Variants in RASA2 observed in about 807,000 individuals in gnomAD.
The protein encoded by RASA2 is RAS p21 protein activator 2, also known as ras GTPase-activating protein 2.
In RASA2, 155 loss-of-function variants were observed where a neutral mutation model predicts 118.2. The observed-to-expected ratio is 1.31, with a 90% CI of 1.15 to 1.50. The LOEUF (loss-of-function observed/expected upper bound fraction) is 1.50. Among genes scored for constraint, RASA2 ranks in the 40% most tolerant of loss-of-function variants. The pLI, the probability that RASA2 is intolerant of heterozygous loss-of-function variation, is 0.00. For missense variants in RASA2, 1,016 were observed against 1,009.6 expected (o/e 1.01, Z -0.09); for synonymous variants, 353 against 349.1 (o/e 1.01, Z -0.12).
Position 141,580,555 on chromosome 3 carries a change from TAC to T in RASA2, c.1674+126_1674+127del, listed in dbSNP as rs10663136. 20,841 of 551,828 alleles carry T rather than the reference TAC, an allele frequency of 0.038. 36 individuals carry two copies. Among genetic ancestry groups the T allele is most frequent in the East Asian group, 0.075 (2,143 of 28,416 alleles). The allele number at this position is 551,828 out of a possible 1,614,324, so 34.2% of individuals were successfully genotyped here. On this transcript the variant is annotated intron_variant, in intron 16 of 23. Transcript: ENST00000286364. ...CTTCTTCCAAATTAAAAACAAAACA[TAC>T]ACACACACACACACACACACAGACA...
chr3:141,607,790 T>C, intron 20 of RASA2, 30 bp downstream of exon 20: 3 of 1,547,960 alleles, frequency 1.9e-6, no homozygotes, highest in Non-Finnish European at 2.6e-6. Flanking sequence ...ATTTAAAGCT[T>C]TCTGAACTGC....
rs113612173 is a variant in RASA2 at position 141,490,425 on chromosome 3, T to C, written c.133+3209T>C. Among the ~76,000 whole-genome samples, 689 of 152,190 alleles carry C rather than the reference T, an allele frequency of 4.5e-3. 7 individuals carry two copies. The highest frequency in any genetic ancestry group is 0.016 in the African/African-American group (668 of 41,502). On this transcript the variant is annotated intron_variant, in intron 1 of 23. Coordinates refer to ENST00000286364, the MANE Select transcript of RASA2 (RefSeq NM_006506.5). ...TGTATCTTCAGGCTTCATGCTGTTA[T>C]TTGGTGACCTCCTTTTTGATTAGCA...
At chr3:141,539,842 C>T (rs1014139594) in intron 4 of RASA2, among the ~76,000 whole-genome samples, 19 of 152,100 alleles carry the variant, frequency 1.2e-4, no homozygotes, top group South Asian at 4.1e-4. Flanking sequence ...TTTAAAAATT[C>T]GTCTATTAAT....
At chr3:141,603,192 C>T (rs942566798) in intron 19 of RASA2, among the ~76,000 whole-genome samples, 1 of 152,138 alleles carries the variant, frequency 6.6e-6, no homozygotes, top group African/African-American at 2.4e-5. Context: ...ATCAAAAATA[C>T]AGTCATGGTA....
chr3:141,495,850 G>C lies in RASA2; in HGVS notation c.133+8634G>C, dbSNP rs566499538. ...GAAAATGGATAATATGTTCATACAC[G>C]TATTCTATAGCAACTAAAAAGAATG... is the stretch of plus-strand genomic sequence containing the variant. On this transcript the variant is annotated intron_variant, in intron 1 of 23. Transcript: ENST00000286364. Among the ~76,000 whole-genome samples the C allele has an allele frequency of 3.9e-5, 6 of 152,304 alleles. No homozygotes were observed. In the South Asian group the frequency reaches 1.2e-3, roughly 32 times the overall value.
chr3:141,508,428 C>A (rs1227718244), intron 1 of RASA2, among the ~76,000 whole-genome samples: 1 of 151,736 alleles, frequency 6.6e-6, no homozygotes, highest in Non-Finnish European at 1.5e-5. Context: ...TCTTTTGTCC[C>A]AGGCTGGAGT....
chr3:141,585,758 C>T (rs891679586), intron 17 of RASA2, among the ~76,000 whole-genome samples: 21 of 152,192 alleles, frequency 1.4e-4, no homozygotes, highest in African/African-American at 5.1e-4. Context: ...TGAGATTGCA[C>T]CACTGCACTC....
intron 2 of RASA2, among the ~76,000 whole-genome samples, chr3:141,513,783 G>A (rs2081986038): frequency 6.6e-6 from 1 of 152,106 alleles, no homozygotes; most frequent in Non-Finnish European, 1.5e-5. Flanking sequence ...TTATATTTCA[G>A]CTTCTCATTT....
At position 141,558,885 on chromosome 3, in the gene RASA2, G is replaced by GGT; in HGVS notation, c.685_686dup (p.Thr230Ter). The GGT allele has an allele frequency of 6.3e-7, 1 of 1,591,998 alleles. No homozygotes were observed. Among genetic ancestry groups the GGT allele is most frequent in the Non-Finnish European group, 8.6e-7 (1 of 1,161,846 alleles). On this transcript the variant is annotated frameshift_variant and splice_region_variant. Transcript: ENST00000286364. LOFTEE classifies it high-confidence loss of function. ...TTTTTACTAAAATATTTTGTTTACA[G>GGT]GTAACCAGATCCAGTAGTTACACCA...
At position 141,581,113 on chromosome 3, in the gene RASA2, A is replaced by AGACAT; in HGVS notation, c.1689_1693dup (p.Phe565Ter). 6.5e-7 allele frequency: 1 copy of AGACAT among 1,538,500 alleles called. No homozygotes were observed. The highest frequency in any genetic ancestry group is 8.7e-7 in the Non-Finnish European group (1 of 1,150,546). ...GTTTTTTCTTAGTCAAGTTTCAAAG[A>AGACAT]GACATTCATGTGTGAATTTTTCAAA... On this transcript the variant is annotated frameshift_variant, in exon 17 of 24. Coordinates refer to ENST00000286364, the MANE Select transcript of RASA2 (RefSeq NM_006506.5). LOFTEE classifies it high-confidence loss of function.
intron 3 of RASA2, among the ~76,000 whole-genome samples, chr3:141,521,895 T>G (rs1266317185): frequency 7.8e-6 from 1 of 127,690 alleles, no homozygotes; most frequent in Non-Finnish European, 1.5e-5. Flanking sequence ...AACACACAGG[T>G]TTTTTTTTTT....
intron 19 of RASA2, among the ~76,000 whole-genome samples, chr3:141,595,694 A>G (rs2083355354): frequency 6.6e-6 from 1 of 151,544 alleles, no homozygotes. Flanking sequence ...GAGTGCACAG[A>G]CATAGCTCAC....
intron 3 of RASA2, among the ~76,000 whole-genome samples, chr3:141,524,586 T>C (rs1005292720): frequency 1.3e-5 from 2 of 152,066 alleles, no homozygotes; most frequent in African/African-American, 2.4e-5. Context: ...GTCACTGTTT[T>C]TGTTTGTTTG....
At position 141,609,454 on chromosome 3, in the gene RASA2, G is replaced by T; in HGVS notation, c.2260G>T (p.Glu754Ter). Residue 754 changes from glutamate (E) to a stop codon, truncating the protein, a stop_gained, in exon 22 of 24, where the codon GAA (glutamate) becomes TAA (stop). Coordinates refer to ENST00000286364, the MANE Select transcript of RASA2 (RefSeq NM_006506.5). LOFTEE classifies it high-confidence loss of function. ...VPADIQIDID[E>*]DRETERIYSL... ...TGCAGACATCCAAATAGATATTGAT[G>T]AAGACAGAGAAACAGAAAGAATTTA... The T allele has an allele frequency of 6.2e-7, 1 of 1,603,844 alleles. No individual in the cohort carries two copies. Among genetic ancestry groups the T allele is most frequent in the Non-Finnish European group, 8.5e-7 (1 of 1,172,892 alleles).
intron 19 of RASA2, among the ~76,000 whole-genome samples, chr3:141,587,620 A>G (rs2083225841): frequency 6.6e-6 from 1 of 151,072 alleles, no homozygotes; most frequent in Admixed American, 6.6e-5. Flanking sequence ...AGGCTGAGGC[A>G]GGAGAATCGC....
At chr3:141,575,621 G>A (rs74638552) in intron 14 of RASA2, among the ~76,000 whole-genome samples, 2,062 of 152,236 alleles carry the variant, frequency 0.014, 52 homozygotes, top group African/African-American at 0.044. Context: ...GGTCTGTGGC[G>A]TGGCCAACAG....
At chr3:141,512,082 C>A in intron 1 of RASA2, 81 bp from the exon 2 acceptor site, 5 of 820,710 alleles carry the variant, frequency 6.1e-6, no homozygotes, top group Non-Finnish European at 3.9e-6. Flanking sequence ...TATGTTCTTT[C>A]AGATTGAAGT....
chr3:141,494,882 A>C (rs1360743629), intron 1 of RASA2, among the ~76,000 whole-genome samples: 1 of 152,230 alleles, frequency 6.6e-6, no homozygotes, highest in Non-Finnish European at 1.5e-5. Context: ...AAGATTTAAA[A>C]AATCTGTATA....
chr3:141,610,436 T>A (rs1284063410), intron 23 of RASA2, among the ~76,000 whole-genome samples: 43 of 77,368 alleles, frequency 5.6e-4, no homozygotes, highest in East Asian at 2.1e-3. Flanking sequence ...TATATATTTA[T>A]ATTTATATAT....
Sources: allele counts gnomAD v4.1 joint callset (sites outside exome capture counted in the v4.1 genomes callset), GRCh38; gene constraint gnomAD v4.1.1; transcripts MANE v1.5; gene names NCBI Gene and HGNC (gene_info 2026-07-23, HGNC 2026-07-21).